The following RIC1 variants were observed in gnomAD, a reference collection of about 807,000 sequenced individuals.
RIC1 encodes guanine nucleotide exchange factor subunit RIC1.
A neutral mutation model predicts 169.0 loss-of-function variants in RIC1; 88 were observed. The ratio of observed to expected loss-of-function variants is 0.52; its 90% CI spans 0.44 to 0.62. The LOEUF is 0.62. Among genes scored for constraint, RIC1 ranks in the 20% least tolerant of loss-of-function variants. The probability of loss-of-function intolerance (pLI) is 0.00; values close to 1 mark genes in which losing one functional copy is unlikely to be tolerated. For missense variants in RIC1, 1,877 were observed against 1,725.5 expected, an observed-to-expected ratio of 1.09 and a Z score of -1.56; for synonymous variants, 790 against 601.5, an observed-to-expected ratio of 1.31 and a Z score of -4.59.
At chr9:5,666,068 C>T (rs1273921361) in intron 2 of RIC1, among the ~76,000 whole-genome samples, 2 of 152,140 alleles carry the variant, frequency 1.3e-5, no homozygotes, top group Non-Finnish European at 2.9e-5. Context: ...TACCCCACCA[C>T]TCAGGTATAC....
chr9:5,735,204 C>G (rs1257321823), intron 7 of RIC1, among the ~76,000 whole-genome samples: 1 of 151,732 alleles, frequency 6.6e-6, no homozygotes, highest in Non-Finnish European at 1.5e-5. Flanking sequence ...TTATTGTTTC[C>G]TCATGATGGC....
chr9:5,774,350 A>T lies in RIC1; in HGVS notation c.*104A>T. The T allele has an allele frequency of 1.1e-6, 1 of 946,126 alleles. No individual in the cohort carries two copies. Among genetic ancestry groups the T allele is most frequent in the Non-Finnish European group, 1.5e-6 (1 of 645,174 alleles). 58.6% of individuals were successfully genotyped at this position (946,126 alleles called of 1,614,324 possible). ...TTTAACAGGAGAACTCAGTTCAGAGACTCTTCGGTAAGTATTAGTAGATTT... is the reference window on the plus strand; with the variant it reads ...TTTAACAGGAGAACTCAGTTCAGAGTCTCTTCGGTAAGTATTAGTAGATTT... On this transcript the variant is annotated 3_prime_UTR_variant, in exon 26 of 26. Coordinates refer to ENST00000414202, the MANE Select transcript of RIC1 (RefSeq NM_020829.4).
intron 15 of RIC1, 91 bp downstream of exon 15, chr9:5,755,021 CTGAACAAAACATTTTATTTTTT>C: frequency 1.3e-6 from 1 of 753,210 alleles, no homozygotes; most frequent in Non-Finnish European, 2.0e-6. Context: ...CGATTGAAAA[CTGAACAAAACATTTTATTTTTT>C]AATCAAGAAT....
intron 7 of RIC1, among the ~76,000 whole-genome samples, chr9:5,734,694 A>G (rs77554260): frequency 6.6e-6 from 1 of 152,174 alleles, no homozygotes; most frequent in East Asian, 1.9e-4. Context: ...TGCCTCTGCT[A>G]CTTCCTAGTC....
chr9:5,641,162 G>C (rs1342351296), intron 1 of RIC1, among the ~76,000 whole-genome samples: 1 of 150,746 alleles, frequency 6.6e-6, no homozygotes, highest in African/African-American at 2.4e-5. Context: ...TGCCATCTCA[G>C]CTCACTGCAA....
rs1285565767 is a variant in RIC1 at position 5,663,095 on chromosome 9, C to T, written c.252+6405C>T. ...CCTTAATTTCATTATTTACTCAAGT[C>T]ACTCAGGAGCAGGCTGTTCAATTTC... On this transcript the variant is annotated intron_variant, in intron 2 of 25. Transcript: ENST00000414202. Among the ~76,000 whole-genome samples the T allele has an allele frequency of 1.3e-5, 2 of 152,158 alleles. 1 individual carries two copies. Among genetic ancestry groups the T allele is most frequent in the African/African-American group, 4.8e-5 (2 of 41,446 alleles).
In RIC1 at chr9:5,756,368, G is replaced by A. The variant is rs765742639; in HGVS notation, c.1849G>A (p.Asp617Asn). 5 of 1,466,050 alleles carry A rather than the reference G, an allele frequency of 3.4e-6. No homozygotes were observed. The highest frequency in any genetic ancestry group is 4.6e-6 in the Non-Finnish European group (5 of 1,093,946). 90.8% of individuals were successfully genotyped at this position (1,466,050 alleles called of 1,614,324 possible). A position where few individuals can be genotyped will look rare whatever the true frequency, so the allele number is the denominator to read the frequency against. ...CCTTTACAGTATTGAAAGAAAATCT[G>A]ATGGGTAAGTATCTGGCATATGAGA... ...ICLYSIERKSDGPNTTAGIQV... is the reference protein window; with the variant it reads ...ICLYSIERKSNGPNTTAGIQV... The change falls in exon 16 of 26, where the codon GAT becomes AAT. Residue 617 changes from aspartate to asparagine, a missense_variant. This residue lies in a region of RIC1 where 1,104 missense variants were observed against 992.0 expected (regional missense o/e 1.11). Coordinates refer to ENST00000414202, the MANE Select transcript of RIC1 (RefSeq NM_020829.4).
chr9:5,666,858 C>CA (rs1819802622), intron 2 of RIC1, among the ~76,000 whole-genome samples: 1 of 152,142 alleles, frequency 6.6e-6, no homozygotes, highest in African/African-American at 2.4e-5. Flanking sequence ...AGAACTTTGT[C>CA]AGTTTCATCT....
chr9:5,668,434 G>C (rs1432092989), intron 2 of RIC1, among the ~76,000 whole-genome samples: 1 of 152,000 alleles, frequency 6.6e-6, no homozygotes, highest in Non-Finnish European at 1.5e-5. Flanking sequence ...GGAATTTCTT[G>C]GATTTGTATA....
At chr9:5,674,620 A>C (rs758305678) in intron 2 of RIC1, among the ~76,000 whole-genome samples, 7 of 152,160 alleles carry the variant, frequency 4.6e-5, no homozygotes, top group Non-Finnish European at 7.3e-5. Flanking sequence ...TAGGTTACCT[A>C]CTCCACAAGT....
At chr9:5,721,541 A>T (rs773915102) in intron 6 of RIC1, among the ~76,000 whole-genome samples, 81 of 152,300 alleles carry the variant, frequency 5.3e-4, no homozygotes, top group Non-Finnish European at 3.4e-4. Context: ...TGTGGGCATT[A>T]TTCAGAAAGA....
chr9:5,711,046 G>C (rs1822899742), intron 3 of RIC1, among the ~76,000 whole-genome samples: 2 of 152,076 alleles, frequency 1.3e-5, no homozygotes, highest in African/African-American at 2.4e-5. Context: ...AAATACATCA[G>C]TAGATTGAAC....
At chr9:5,711,589 A>G (rs1388471262) in intron 3 of RIC1, among the ~76,000 whole-genome samples, 1 of 150,222 alleles carries the variant, frequency 6.7e-6, no homozygotes, top group Non-Finnish European at 1.5e-5. Context: ...ATATATTTTT[A>G]TTATACTTTA....
intron 3 of RIC1, among the ~76,000 whole-genome samples, chr9:5,702,452 C>T (rs1439934109): frequency 6.6e-6 from 1 of 152,210 alleles, no homozygotes; most frequent in Non-Finnish European, 1.5e-5. Flanking sequence ...GCACCTCTTA[C>T]ACGGCCAGAG....
intron 14 of RIC1, 151 bp from the exon 15 acceptor site, chr9:5,754,690 C>T (rs769389743): frequency 1.1e-5 from 5 of 435,702 alleles, no homozygotes; most frequent in Non-Finnish European, 2.0e-5. Context: ...GAGATCGAGC[C>T]ACTGCACTCC....
intron 13 of RIC1, 73 bp downstream of exon 13, chr9:5,753,311 C>T (rs779276471): frequency 1.6e-5 from 21 of 1,284,378 alleles, no homozygotes; most frequent in Non-Finnish European, 2.4e-5. Context: ...GGGAAGAGCC[C>T]TTCAGTGGGT....
chr9:5,690,450 A>G (rs1053770306), intron 3 of RIC1, among the ~76,000 whole-genome samples: 1 of 152,034 alleles, frequency 6.6e-6, no homozygotes, highest in Non-Finnish European at 1.5e-5. Context: ...TAAATTTGGG[A>G]AAAACGTGGA....
At chr9:5,733,327 G>C (rs371377481) in intron 7 of RIC1, among the ~76,000 whole-genome samples, 11 of 150,026 alleles carry the variant, frequency 7.3e-5, no homozygotes, top group Admixed American at 2.7e-4. Flanking sequence ...GCAGTGGAGC[G>C]ATCTCAGCTC....
chr9:5,635,012 G>C (rs879397443), intron 1 of RIC1, among the ~76,000 whole-genome samples: 5 of 151,996 alleles, frequency 3.3e-5, no homozygotes, highest in Admixed American at 6.6e-5. Context: ...ATTATTTTGA[G>C]ACAGGGTCTC....
Sources: allele counts gnomAD v4.1 joint callset (sites outside exome capture counted in the v4.1 genomes callset), GRCh38; gene constraint gnomAD v4.1.1; regional missense constraint gnomAD v4.1.1; transcripts MANE v1.5; gene names NCBI Gene and HGNC (gene_info 2026-07-23, HGNC 2026-07-21).